Variants in CTBP2 observed in about 807,000 individuals in gnomAD.
CTBP2 encodes C-terminal-binding protein 2.
A neutral mutation model predicts 80.3 loss-of-function variants in CTBP2; 30 were observed. The observed-to-expected ratio is 0.37, with a 90% CI of 0.28 to 0.51. CTBP2 has a LOEUF of 0.51. Ranked by LOEUF, CTBP2 falls within the 20% of genes least tolerant of loss-of-function variation. The pLI, the probability that CTBP2 is intolerant of heterozygous loss-of-function variation, is 0.93. For synonymous variants in CTBP2, 594 were observed against 587.4 expected (o/e 1.01, Z -0.16); for missense variants, 1,212 against 1,375.3 (o/e 0.88, Z 1.88).
chr10:125,143,928 A>C (rs950720663), intron 1 of CTBP2, among the ~76,000 whole-genome samples: 2 of 152,158 alleles, frequency 1.3e-5, no homozygotes, highest in Admixed American at 1.3e-4. Context: ...CAGAGCCCCA[A>C]AACACCTAGC....
chr10:125,088,089 T>C (rs921735161), intron 2 of CTBP2: 1 of 152,000 alleles, frequency 6.6e-6, no homozygotes, highest in Non-Finnish European at 1.5e-5. Flanking sequence ...CACAGAGAAC[T>C]GTCCAGGATG....
Position 125,130,042 on chromosome 10 carries a change from T to TC in CTBP2, c.-205-18950_-205-18949insG, listed in dbSNP as rs775757412. Among the ~76,000 whole-genome samples, 19 of 7,830 alleles carry TC rather than the reference T, an allele frequency of 2.4e-3. No individual in the cohort carries two copies. In the South Asian group the frequency reaches 0.052, roughly 22 times the overall value. The allele number at this position is 7,830 out of a possible 152,430, so 5.1% of individuals were successfully genotyped here. ...AGGTATAGCCCACAGGATTTCTCTC[T>TC]TTTTTTTTTTTTTTCTTCTTTTGAG... On this transcript the variant is annotated intron_variant, in intron 1 of 10. Transcript: ENST00000337195.
intron 2 of CTBP2, among the ~76,000 whole-genome samples, chr10:125,061,620 C>T (rs1033050036): frequency 3.9e-5 from 6 of 152,262 alleles, no homozygotes; most frequent in African/African-American, 7.2e-5. Context: ...ACAGCGTCTA[C>T]GGCAGCAAAG....
intron 1 of CTBP2, among the ~76,000 whole-genome samples, chr10:125,132,996 G>T (rs1312742237): frequency 1.3e-5 from 2 of 152,200 alleles, no homozygotes; most frequent in African/African-American, 4.8e-5. Flanking sequence ...AAGGAGAGAA[G>T]AATCAAAATG....
chr10:125,052,594 G>A (rs1230796168), intron 2 of CTBP2, among the ~76,000 whole-genome samples: 1 of 152,242 alleles, frequency 6.6e-6, no homozygotes, highest in African/African-American at 2.4e-5. Flanking sequence ...TCAAAGAAAG[G>A]TGATCCCCAC....
In CTBP2 at chr10:125,002,886, T is replaced by A. The variant is rs1954720972; in HGVS notation, c.1978+74A>T. On this transcript the variant is annotated intron_variant, in intron 3 of 8. Coordinates refer to ENST00000309035, the MANE Select transcript of CTBP2 (RefSeq NM_022802.3). ...GCTCCGTGGTCCCAGTTCCAGCTGC[T>A]TCTCCAAGCCCACCCGAGCAGGGCC... The A allele has an allele frequency of 2.5e-6, 4 of 1,569,414 alleles. No homozygotes were observed. The Admixed American group carries it at 6.9e-5, about 27-fold the overall frequency.
intron 2 of CTBP2, among the ~76,000 whole-genome samples, chr10:125,097,583 T>C (rs1849725803): frequency 6.6e-6 from 1 of 152,096 alleles, no homozygotes; most frequent in Admixed American, 6.5e-5. Context: ...AGGCGCGCCT[T>C]AGGTGCATGC....
At chr10:125,095,435 C>T (rs191584100) in intron 2 of CTBP2, among the ~76,000 whole-genome samples, 6 of 152,198 alleles carry the variant, frequency 3.9e-5, no homozygotes, top group African/African-American at 1.4e-4. Flanking sequence ...GACCACCCAG[C>T]AAGGAGGGCA....
At chr10:125,073,905 G>T (rs935034) in intron 2 of CTBP2, among the ~76,000 whole-genome samples, 2 of 152,128 alleles carry the variant, frequency 1.3e-5, no homozygotes, top group Admixed American at 1.3e-4. Flanking sequence ...TTCCCAGGAC[G>T]GTCTGTTCTT....
At chr10:124,992,209 CTT>C (rs61400691) in intron 8 of CTBP2, among the ~76,000 whole-genome samples, 5,563 of 102,408 alleles carry the variant, frequency 0.054, 343 homozygotes, top group African/African-American at 0.19. Context: ...TTGAGAAGCC[CTT>C]TTTTTTTTTT....
chr10:125,157,054 T>C (rs1861045456), intron 1 of CTBP2, among the ~76,000 whole-genome samples: 1 of 152,228 alleles, frequency 6.6e-6, no homozygotes, highest in Non-Finnish European at 1.5e-5. Context: ...GCGTGTTTTT[T>C]ACAATGGCAG....
At chr10:125,146,282 A>ATTT (rs34558482) in intron 1 of CTBP2, among the ~76,000 whole-genome samples, 12 of 136,470 alleles carry the variant, frequency 8.8e-5, no homozygotes, top group African/African-American at 3.4e-4. Flanking sequence ...CCTAAGTGAG[A>ATTT]TTTTTTTTTT....
intron 1 of CTBP2, chr10:125,133,716 G>A (rs1374530699): frequency 2.6e-5 from 4 of 152,200 alleles, no homozygotes; most frequent in African/African-American, 9.6e-5. Flanking sequence ...CTTTTGAAAT[G>A]ACTGTTTTTG....
chr10:125,115,435 A>G (rs1853080977), intron 1 of CTBP2, among the ~76,000 whole-genome samples: 1 of 152,246 alleles, frequency 6.6e-6, no homozygotes, highest in African/African-American at 2.4e-5. Flanking sequence ...ACAAGGAGTT[A>G]GCAAGAATTA....
intron 1 of CTBP2, among the ~76,000 whole-genome samples, chr10:125,153,621 GCAGGTA>G (rs1860401622): frequency 6.6e-6 from 1 of 152,100 alleles, no homozygotes; most frequent in African/African-American, 2.4e-5. Flanking sequence ...CACACCTGCG[GCAGGTA>G]CAATACTATC....
At chr10:125,043,398 A>G (rs1425624803) in intron 2 of CTBP2, among the ~76,000 whole-genome samples, 1 of 152,066 alleles carries the variant, frequency 6.6e-6, no homozygotes, top group African/African-American at 2.4e-5. Context: ...CCTGGGATCA[A>G]CTCAGTTTTA....
At chr10:125,124,145 C>T (rs1854812978) in intron 1 of CTBP2, among the ~76,000 whole-genome samples, 1 of 152,194 alleles carries the variant, frequency 6.6e-6, no homozygotes. Context: ...AGCAGATAGC[C>T]AGGGTCAGGG....
intron 2 of CTBP2, among the ~76,000 whole-genome samples, chr10:125,089,428 A>C (rs1848454594): frequency 6.6e-6 from 1 of 152,208 alleles, no homozygotes; most frequent in Admixed American, 6.5e-5. Context: ...GGTGTGGCTC[A>C]GGGGGAGCAC....
At chr10:125,071,690 A>G (rs927682985) in intron 2 of CTBP2, among the ~76,000 whole-genome samples, 2 of 152,170 alleles carry the variant, frequency 1.3e-5, no homozygotes, top group Admixed American at 1.3e-4. Flanking sequence ...GTGAAGAATA[A>G]AACGCTTAGA....
Sources: gnomAD v4.1 joint callset for allele counts (sites outside exome capture counted in the v4.1 genomes callset) on GRCh38, gnomAD v4.1.1 for gene constraint, MANE v1.5 for transcripts, NCBI Gene and HGNC (gene_info 2026-07-23, HGNC 2026-07-21) for gene names.